Variants in SUCLG2 observed in about 807,000 individuals in gnomAD.
The protein encoded by SUCLG2 is succinate-CoA ligase GDP-forming subunit beta.
A neutral mutation model predicts 47.9 loss-of-function variants in SUCLG2; 42 were observed. The ratio of observed to expected loss-of-function variants is 0.88; its 90% confidence interval spans 0.69 to 1.14. The LOEUF is 1.14. SUCLG2 is among the 50% of genes most tolerant of loss of function. The pLI, the probability that SUCLG2 is intolerant of heterozygous loss-of-function variation, is 0.00. For synonymous variants in SUCLG2, 195 were observed against 197.3 expected, an observed-to-expected ratio of 0.99 and a Z score of 0.10; for missense variants, 571 against 525.9, an observed-to-expected ratio of 1.09 and a Z score of -0.84.
intron 9 of SUCLG2, chr3:67,409,153 G>A (rs1355480247): frequency 8.4e-7 from 1 of 1,185,696 alleles, no homozygotes; most frequent in Admixed American, 2.6e-5. Context: ...CAGAGCTCAT[G>A]GTTTTGGCAT....
At chr3:67,402,844 T>G (rs930056855) in intron 9 of SUCLG2, among the ~76,000 whole-genome samples, 29 of 152,254 alleles carry the variant, frequency 1.9e-4, no homozygotes, top group Admixed American at 1.9e-3. Context: ...ACTGACTCTG[T>G]TTAACCCATC....
At chr3:67,578,347 A>T (rs1707797574) in intron 2 of SUCLG2, among the ~76,000 whole-genome samples, 1 of 150,944 alleles carries the variant, frequency 6.6e-6, no homozygotes, top group Non-Finnish European at 1.5e-5. Flanking sequence ...CAAGAGGTAA[A>T]GAAATAGTGG....
At chr3:67,514,682 C>T (rs1705894007) in intron 6 of SUCLG2, among the ~76,000 whole-genome samples, 1 of 152,210 alleles carries the variant, frequency 6.6e-6, no homozygotes, top group Non-Finnish European at 1.5e-5. Flanking sequence ...GTTTCCCTTT[C>T]TGTGGTTTTA....
intron 2 of SUCLG2, among the ~76,000 whole-genome samples, chr3:67,544,068 A>T (rs551447819): frequency 1.3e-5 from 2 of 152,224 alleles, no homozygotes; most frequent in Admixed American, 1.3e-4. Context: ...GCACTTACTT[A>T]TTCTATGGGA....
chr3:67,533,978 T>C (rs1344567371), intron 2 of SUCLG2, among the ~76,000 whole-genome samples: 1 of 152,150 alleles, frequency 6.6e-6, no homozygotes. Flanking sequence ...ATTGGTCACA[T>C]CATTTGACTG....
chr3:67,460,455 T>A (rs1293110639), intron 9 of SUCLG2, among the ~76,000 whole-genome samples: 2 of 152,168 alleles, frequency 1.3e-5, no homozygotes, highest in Admixed American at 1.3e-4. Context: ...TTTCATTAAC[T>A]CCATTTTATG....
chr3:67,508,420 T>G (rs1327822275), intron 7 of SUCLG2, among the ~76,000 whole-genome samples: 1 of 152,034 alleles, frequency 6.6e-6, no homozygotes, highest in Non-Finnish European at 1.5e-5. Flanking sequence ...TTTCTTTCCT[T>G]TTATTATTTA....
At chr3:67,368,205 G>A (rs1701900844) in intron 10 of SUCLG2, among the ~76,000 whole-genome samples, 2 of 152,148 alleles carry the variant, frequency 1.3e-5, no homozygotes, top group South Asian at 2.1e-4. Context: ...TATGAGTCCA[G>A]TAAAATTTCT....
At chr3:67,647,545 C>T (rs1159409606) in intron 1 of SUCLG2, among the ~76,000 whole-genome samples, 2 of 152,248 alleles carry the variant, frequency 1.3e-5, no homozygotes, top group East Asian at 1.9e-4. Flanking sequence ...AAAGTCATGT[C>T]CAGTTGGCCG....
intron 1 of SUCLG2, among the ~76,000 whole-genome samples, chr3:67,616,696 G>A (rs1234682422): frequency 6.6e-6 from 1 of 152,150 alleles, no homozygotes; most frequent in Non-Finnish European, 1.5e-5. Flanking sequence ...TAACTTTTGT[G>A]CAAAACAAAG....
chr3:67,427,528 C>A (rs192901696), intron 9 of SUCLG2, among the ~76,000 whole-genome samples: 2 of 152,050 alleles, frequency 1.3e-5, no homozygotes, highest in Non-Finnish European at 2.9e-5. Context: ...CCAAGATGGC[C>A]GAATAGGAAC....
At chr3:67,501,830 T>G (rs974562039) in intron 7 of SUCLG2, among the ~76,000 whole-genome samples, 2 of 152,176 alleles carry the variant, frequency 1.3e-5, no homozygotes, top group East Asian at 3.8e-4. Flanking sequence ...TTGTCACCCC[T>G]TCATGCATAC....
Position 67,399,945 on chromosome 3 carries a change from C to T in SUCLG2, c.1183+786G>A, listed in dbSNP as rs542692142. On this transcript the variant is annotated intron_variant, in intron 10 of 10. Coordinates refer to ENST00000307227, the MANE Select transcript of SUCLG2 (RefSeq NM_003848.4). ...CCTATAATCCCAACATTTTGGGAGG[C>T]TGAGGCAGGAGGATCACTTGAAGCC... Among the ~76,000 whole-genome samples, 33 of 152,274 alleles carry T rather than the reference C, an allele frequency of 2.2e-4. No homozygotes were observed. In the South Asian group the frequency reaches 6.4e-3, roughly 30 times the overall value.
At chr3:67,633,530 A>C (rs924851283) in intron 1 of SUCLG2, among the ~76,000 whole-genome samples, 8 of 152,240 alleles carry the variant, frequency 5.3e-5, no homozygotes, top group African/African-American at 1.7e-4. Context: ...ATAATGTAAC[A>C]GGCATAATTA....
At chr3:67,590,475 G>C (rs1281930947) in intron 2 of SUCLG2, among the ~76,000 whole-genome samples, 3 of 152,106 alleles carry the variant, frequency 2.0e-5, no homozygotes, top group Admixed American at 2.0e-4. Context: ...TGAATGGCTT[G>C]ATGCCCTCCT....
At chr3:67,592,453 T>A (rs1708186253) in intron 2 of SUCLG2, among the ~76,000 whole-genome samples, 1 of 152,146 alleles carries the variant, frequency 6.6e-6, no homozygotes, top group African/African-American at 2.4e-5. Flanking sequence ...TCATATGATA[T>A]CTCTTCACAA....
intron 2 of SUCLG2, among the ~76,000 whole-genome samples, chr3:67,571,116 T>A (rs1707595307): frequency 6.6e-6 from 1 of 152,184 alleles, no homozygotes; most frequent in Non-Finnish European, 1.5e-5. Context: ...TACCACAGGA[T>A]GTAATCCTAA....
At chr3:67,361,135 C>G (rs543276306) in intron 10 of SUCLG2, among the ~76,000 whole-genome samples, 1 of 151,678 alleles carries the variant, frequency 6.6e-6, no homozygotes, top group African/African-American at 2.4e-5. Context: ...TTGGGTCCAA[C>G]TGTTCAATCT....
At chr3:67,370,566 G>A (rs75080310), downstream of SUCLG2, among the ~76,000 whole-genome samples, 10,429 of 152,084 alleles carry the variant, frequency 0.069, 872 homozygotes, top group African/African-American at 0.19. Context: ...CAAGACTCCC[G>A]AGTGAATGCC....
Sources: gnomAD v4.1 joint callset for allele counts (sites outside exome capture counted in the v4.1 genomes callset) on GRCh38, gnomAD v4.1.1 for gene constraint, MANE v1.5 for transcripts, NCBI Gene and HGNC (gene_info 2026-07-23, HGNC 2026-07-21) for gene names.